The following ADAM10 variants were observed in gnomAD, a reference collection of about 807,000 sequenced individuals.
The protein encoded by ADAM10 is ADAM metallopeptidase domain 10.
A neutral mutation model predicts 90.1 loss-of-function variants in ADAM10; 17 were observed. The observed-to-expected ratio is 0.19, with a 90% CI of 0.13 to 0.28. The LOEUF (loss-of-function observed/expected upper bound fraction) is 0.28, where lower values mean the gene tolerates loss of function less well. Ranked by LOEUF, ADAM10 falls within the 10% of genes least tolerant of loss-of-function variation. The pLI is 1.00. For synonymous variants in ADAM10, 310 were observed against 298.6 expected, an observed-to-expected ratio of 1.04 and a Z score of -0.40; for missense variants, 610 against 914.3, an observed-to-expected ratio of 0.67 and a Z score of 4.29.
At chr15:58,746,374 A>G (rs2140856013) in intron 1 of ADAM10, among the ~76,000 whole-genome samples, 1 of 152,320 alleles carries the variant, frequency 6.6e-6, no homozygotes, top group East Asian at 1.9e-4. Context: ...AGTTACTAAA[A>G]GCACATCAGA....
At chr15:58,742,401 T>C (rs1419499959) in intron 1 of ADAM10, among the ~76,000 whole-genome samples, 1 of 152,306 alleles carries the variant, frequency 6.6e-6, no homozygotes, top group African/African-American at 2.4e-5. Flanking sequence ...CATCACAAAG[T>C]TGAAAAATCA....
At chr15:58,677,973 A>C (rs1437695815) in intron 4 of ADAM10, among the ~76,000 whole-genome samples, 1 of 152,146 alleles carries the variant, frequency 6.6e-6, no homozygotes, top group Non-Finnish European at 1.5e-5. Context: ...GGTAAATAAT[A>C]ATTTTGTCAG....
intron 2 of ADAM10, 125 bp downstream of exon 2, chr15:58,717,452 G>C: frequency 1.7e-6 from 2 of 1,206,882 alleles, no homozygotes; most frequent in Admixed American, 2.1e-5. Flanking sequence ...CCAAATTCCA[G>C]TGGAAATGGA....
chr15:58,597,723 A>T, intron 15 of ADAM10, 82 bp from the exon 16 acceptor site: 3 of 1,524,020 alleles, frequency 2.0e-6, no homozygotes, highest in South Asian at 2.3e-5. Flanking sequence ...TGTTTCAATA[A>T]GAAAGGTTTT....
intron 10 of ADAM10, among the ~76,000 whole-genome samples, chr15:58,624,005 C>G (rs1320243295): frequency 2.1e-5 from 3 of 145,472 alleles, no homozygotes; most frequent in African/African-American, 7.9e-5. Flanking sequence ...AAAGGGGGGG[C>G]CAGGCGAGGT....
intron 15 of ADAM10, among the ~76,000 whole-genome samples, chr15:58,598,744 C>T (rs1895026583): frequency 6.6e-6 from 1 of 152,166 alleles, no homozygotes; most frequent in South Asian, 2.1e-4. Flanking sequence ...ACAGAGGGAA[C>T]TAAACAATAC....
intron 2 of ADAM10, among the ~76,000 whole-genome samples, chr15:58,715,242 T>C (rs1451395680): frequency 6.6e-6 from 1 of 151,774 alleles, no homozygotes; most frequent in African/African-American, 2.4e-5. Context: ...GCCAACATGG[T>C]GAAACCCCGT....
intron 2 of ADAM10, among the ~76,000 whole-genome samples, chr15:58,707,956 G>A (rs7163939): frequency 0.19 from 29,433 of 151,738 alleles, 3,304 homozygotes; most frequent in South Asian, 0.32. Flanking sequence ...GAGCACCTAT[G>A]ATCCCAGCTA....
intron 11 of ADAM10, among the ~76,000 whole-genome samples, chr15:58,613,715 T>G (rs1338594856): frequency 1.3e-5 from 2 of 152,004 alleles, no homozygotes; most frequent in Non-Finnish European, 2.9e-5. Flanking sequence ...ATCTCTGAAC[T>G]TCAAGATAGA....
chr15:58,602,689 A>C (rs988452862), intron 14 of ADAM10, among the ~76,000 whole-genome samples: 2 of 152,188 alleles, frequency 1.3e-5, no homozygotes, highest in Non-Finnish European at 2.9e-5. Context: ...TTTACACTTG[A>C]GTGTCATTTC....
At chr15:58,624,211 G>A (rs1006255165) in intron 10 of ADAM10, among the ~76,000 whole-genome samples, 2 of 151,916 alleles carry the variant, frequency 1.3e-5, no homozygotes, top group South Asian at 4.2e-4. Context: ...GCTTGAACCT[G>A]GGAGGGAGAG....
At position 58,727,203 on chromosome 15, in the gene ADAM10, TTTC is replaced by T. The variant is rs1221445565; in HGVS notation, c.56-9479_56-9477del. On this transcript the variant is annotated intron_variant, in intron 1 of 15. Coordinates refer to ENST00000260408, the MANE Select transcript of ADAM10 (RefSeq NM_001110.4). ...TTTTTTTTTTTTTTTTTTTTTTTTTTTTCCCAAAAACAGCGTTTCGCTCGTTGC... is the reference window on the plus strand; with the variant it reads ...TTTTTTTTTTTTTTTTTTTTTTTTTTCCAAAAACAGCGTTTCGCTCGTTGC... 2.8e-4 allele frequency among the ~76,000 whole-genome samples: 36 copies of T among 128,108 alleles called. 1 individual carries two copies. Among genetic ancestry groups the T allele is most frequent in the African/African-American group, 1.1e-3 (32 of 29,160 alleles). The allele number at this position is 128,108 out of a possible 152,430, so 84.0% of individuals were successfully genotyped here. A position where few individuals can be genotyped will look rare whatever the true frequency, so the allele number is the denominator to read the frequency against.
At chr15:58,688,304 G>C (rs1409368626) in intron 2 of ADAM10, among the ~76,000 whole-genome samples, 1 of 152,028 alleles carries the variant, frequency 6.6e-6, no homozygotes, top group Non-Finnish European at 1.5e-5. Flanking sequence ...AAGGTGGGAA[G>C]ATTGCTTGAG....
At chr15:58,709,743 A>T (rs529313658) in intron 2 of ADAM10, among the ~76,000 whole-genome samples, 1 of 151,430 alleles carries the variant, frequency 6.6e-6, no homozygotes, top group South Asian at 2.1e-4. Flanking sequence ...CCACCTCAAA[A>T]AATAAATAAA....
intron 6 of ADAM10, 37 bp from the exon 7 acceptor site, chr15:58,644,015 T>C (rs201757640): frequency 7.8e-6 from 11 of 1,414,764 alleles, no homozygotes; most frequent in South Asian, 1.2e-5. Context: ...AGAGGCAATG[T>C]TGAAATATGA....
At chr15:58,721,758 T>C (rs1213051486) in intron 1 of ADAM10, among the ~76,000 whole-genome samples, 4 of 152,136 alleles carry the variant, frequency 2.6e-5, no homozygotes, top group African/African-American at 9.7e-5. Flanking sequence ...CCGGGTGTGG[T>C]AGTTCACACC....
In ADAM10 at chr15:58,679,778, C is replaced by A. The variant is rs180957076; in HGVS notation, c.326-496G>T. Among the ~76,000 whole-genome samples the A allele has an allele frequency of 1.7e-3, 260 of 152,206 alleles. 4 individuals carry two copies. Among genetic ancestry groups the A allele is most frequent in the Admixed American group, 0.013 (202 of 15,306 alleles). On this transcript the variant is annotated intron_variant, in intron 3 of 15. Coordinates refer to ENST00000260408, the MANE Select transcript of ADAM10 (RefSeq NM_001110.4). ...AAAACATTAGCTGGGCCTGGTGGCA[C>A]ATGTCTGTAAGTCCAGCTACTCAGG... is the stretch of plus-strand genomic sequence containing the variant.
intron 2 of ADAM10, chr15:58,692,374 T>C: frequency 1.7e-6 from 1 of 594,676 alleles, no homozygotes; most frequent in Non-Finnish European, 3.3e-6. Flanking sequence ...TTCTTCCCGA[T>C]CAGTGTATTT....
At chr15:58,741,507 AC>A (rs1381732836) in intron 1 of ADAM10, among the ~76,000 whole-genome samples, 4 of 152,192 alleles carry the variant, frequency 2.6e-5, no homozygotes, top group Admixed American at 2.6e-4. Context: ...AAAATCCCAG[AC>A]GCTGACACCC....
Sources: gnomAD v4.1 joint callset for allele counts (sites outside exome capture counted in the v4.1 genomes callset) on GRCh38, gnomAD v4.1.1 for gene constraint, MANE v1.5 for transcripts, NCBI Gene and HGNC (gene_info 2026-07-23, HGNC 2026-07-21) for gene names.